PXDNL: variants seen among roughly 807,000 people sequenced by gnomAD.
PXDNL encodes the protein peroxidasin like, also known as probable oxidoreductase PXDNL.
A neutral mutation model predicts 150.8 loss-of-function variants in PXDNL; 145 were observed. That is an observed-to-expected ratio of 0.96 (90% confidence interval 0.84 to 1.10). The LOEUF (loss-of-function observed/expected upper bound fraction) is 1.10. PXDNL is among the 50% of genes least tolerant of loss of function. The pLI, the probability that PXDNL is intolerant of heterozygous loss-of-function variation, is 0.00. For missense variants in PXDNL, 2,087 were observed against 1,873.9 expected, an observed-to-expected ratio of 1.11 and a Z score of -2.10; for synonymous variants, 757 against 725.7, an observed-to-expected ratio of 1.04 and a Z score of -0.69.
chr8:51,792,379 C>A (rs2037521223), intron 1 of PXDNL, among the ~76,000 whole-genome samples: 1 of 152,192 alleles, frequency 6.6e-6, no homozygotes, highest in Middle Eastern at 3.2e-3. Flanking sequence ...GATAGTGCTA[C>A]CCTGTCTGGG....
chr8:51,729,146 T>C (rs1816872520), intron 1 of PXDNL, among the ~76,000 whole-genome samples: 1 of 152,194 alleles, frequency 6.6e-6, no homozygotes, highest in African/African-American at 2.4e-5. Context: ...CCTACCCCCA[T>C]TGTTAAGTAA....
intron 19 of PXDNL, among the ~76,000 whole-genome samples, chr8:51,349,689 A>C (rs1346389674): frequency 6.6e-6 from 1 of 152,186 alleles, no homozygotes; most frequent in Non-Finnish European, 1.5e-5. Flanking sequence ...ATTGGAGTGG[A>C]TTGACAGTCC....
Position 51,449,058 on chromosome 8 carries a change from T to C in PXDNL, c.1310A>G (p.Glu437Gly). The C allele has an allele frequency of 6.4e-7, 1 of 1,553,400 alleles. No individual in the cohort carries two copies. Among genetic ancestry groups the C allele is most frequent in the Non-Finnish European group, 8.7e-7 (1 of 1,147,858 alleles). The change falls in exon 11 of 23, where the codon GAG (glutamate) becomes GGG (glycine). Residue 437 changes from glutamate (E) to glycine (G), a missense_variant. Physicochemically the swap from Glu to Gly is moderately conservative, Grantham distance 98. Transcript: ENST00000356297. Reference protein sequence around the residue: ...DQVVLEEHAVEWLCEADGNPP... With the variant: ...DQVVLEEHAVGWLCEADGNPP... ...GTTGCCGTCAGCTTCACAGAGCCAC[T>C]CTACAGCATGTTCTTCCAGCACCAC...
chr8:51,582,214 A>G (rs114089510), intron 3 of PXDNL, among the ~76,000 whole-genome samples: 2,714 of 152,168 alleles, frequency 0.018, 86 homozygotes, highest in African/African-American at 0.061. Flanking sequence ...GGATTATTAC[A>G]AAGCACATGT....
At chr8:51,673,461 A>G (rs1326572071) in intron 1 of PXDNL, among the ~76,000 whole-genome samples, 1 of 152,190 alleles carries the variant, frequency 6.6e-6, no homozygotes, top group Non-Finnish European at 1.5e-5. Flanking sequence ...AATAAAAAAT[A>G]TACTTATAGG....
At chr8:51,601,928 T>C (rs1236427593) in intron 2 of PXDNL, among the ~76,000 whole-genome samples, 2 of 152,046 alleles carry the variant, frequency 1.3e-5, no homozygotes, top group Non-Finnish European at 1.5e-5. Context: ...TGGTGACAAG[T>C]TCCCTTAGCA....
Position 51,556,824 on chromosome 8 carries a change from A to T in PXDNL, c.380+16T>A. 2 of 1,399,946 alleles carry T rather than the reference A, an allele frequency of 1.4e-6. No individual in the cohort carries two copies. Among genetic ancestry groups the T allele is most frequent in the South Asian group, 1.2e-5 (1 of 86,152 alleles). 86.7% of individuals were successfully genotyped at this position (1,399,946 alleles called of 1,614,324 possible). A position where few individuals can be genotyped will look rare whatever the true frequency, so the allele number is the denominator to read the frequency against. On this transcript the variant is annotated intron_variant, in intron 4 of 22. Coordinates refer to ENST00000356297, the MANE Select transcript of PXDNL (RefSeq NM_144651.5). ...GTCACCATGAGTGATTTAATAAAAAAGTTTCTATTACTTACAGATGTTCCA... is the reference window on the plus strand; with the variant it reads ...GTCACCATGAGTGATTTAATAAAAATGTTTCTATTACTTACAGATGTTCCA...
intron 4 of PXDNL, among the ~76,000 whole-genome samples, chr8:51,526,908 G>A (rs73583068): frequency 2.4e-3 from 363 of 152,070 alleles, no homozygotes; most frequent in African/African-American, 8.1e-3. Context: ...TGCTTCCTCC[G>A]GCCAGCCCCC....
rs536244658 is a variant in PXDNL at position 51,611,909 on chromosome 8, C to T, written c.237-19211G>A. ...CAGCCGGGATGCCGAAGGGAAGGCC[C>T]GGGGCACCAGCGATGGGCAGCTCAG... is the stretch of plus-strand genomic sequence containing the variant. On this transcript the variant is annotated intron_variant, in intron 2 of 22. Transcript: ENST00000356297. Among the ~76,000 whole-genome samples the T allele has an allele frequency of 1.4e-3, 218 of 152,308 alleles. 2 individuals are homozygous for T. The highest frequency in any genetic ancestry group is 2.6e-3 in the Non-Finnish European group (175 of 68,028).
Position 51,408,914 on chromosome 8 carries a change from C to T in PXDNL, c.2710G>A (p.Glu904Lys). 1 of 1,610,316 alleles carries T rather than the reference C, an allele frequency of 6.2e-7. No homozygotes were observed. ...TCTCTGAGAGCCTGGGATTCCCGCT[C>T]CGAGCTCCCGTAAACGTTGGAGCCA... ...IDGSNVYGSS[E>K]RESQALRDPS... Residue 904 changes from glutamate to lysine, a missense_variant, in exon 17 of 23, where the codon GAG becomes AAG. Physicochemically the swap from Glu to Lys is moderately conservative, Grantham distance 56. Transcript: ENST00000356297.
chr8:51,735,535 T>TGG (rs374582450), intron 1 of PXDNL, among the ~76,000 whole-genome samples: 19 of 120,122 alleles, frequency 1.6e-4, no homozygotes, highest in Non-Finnish European at 2.6e-4. Context: ...TGTTTTTTTT[T>TGG]TTTTTTTTTT....
intron 3 of PXDNL, among the ~76,000 whole-genome samples, chr8:51,577,231 G>A (rs1413142130): frequency 6.6e-6 from 1 of 151,414 alleles, no homozygotes; most frequent in Non-Finnish European, 1.5e-5. Flanking sequence ...CATGAATATG[G>A]ATACACAAAT....
intron 8 of PXDNL, among the ~76,000 whole-genome samples, chr8:51,468,054 T>C (rs532512512): frequency 9.9e-5 from 15 of 152,064 alleles, no homozygotes; most frequent in Non-Finnish European, 2.1e-4. Flanking sequence ...AATTGATTCT[T>C]GGCTATGAGT....
At chr8:51,776,391 T>C (rs1436501722) in intron 1 of PXDNL, among the ~76,000 whole-genome samples, 1 of 152,182 alleles carries the variant, frequency 6.6e-6, no homozygotes, top group Non-Finnish European at 1.5e-5. Flanking sequence ...CCTGCCGACA[T>C]GTGATGTCTG....
At chr8:51,598,973 T>G (rs533414881) in intron 2 of PXDNL, among the ~76,000 whole-genome samples, 2 of 152,284 alleles carry the variant, frequency 1.3e-5, no homozygotes, top group South Asian at 4.1e-4. Flanking sequence ...GGGAGATGTG[T>G]GCTTACAGGA....
intron 4 of PXDNL, among the ~76,000 whole-genome samples, chr8:51,541,270 A>AAG (rs1812212099): frequency 6.6e-6 from 1 of 151,386 alleles, no homozygotes; most frequent in East Asian, 1.9e-4. Context: ...AAAAAAAAAA[A>AAG]GAATATTGGA....
intron 12 of PXDNL, among the ~76,000 whole-genome samples, chr8:51,445,753 A>G (rs1314208878): frequency 6.6e-6 from 1 of 152,196 alleles, no homozygotes; most frequent in Non-Finnish European, 1.5e-5. Flanking sequence ...AAAAGATATA[A>G]TGTAAATACC....
At chr8:51,801,336 A>G (rs2037618122) in intron 1 of PXDNL, among the ~76,000 whole-genome samples, 2 of 152,144 alleles carry the variant, frequency 1.3e-5, no homozygotes, top group South Asian at 4.1e-4. Flanking sequence ...TAAGATGTTT[A>G]TCAAGACAGT....
chr8:51,486,763 T>C (rs899526503), intron 5 of PXDNL, among the ~76,000 whole-genome samples: 6 of 14,516 alleles, frequency 4.1e-4, no homozygotes, highest in African/African-American at 1.8e-3. Flanking sequence ...TATATATATA[T>C]ATATATATAT....
Sources: allele counts gnomAD v4.1 joint callset (sites outside exome capture counted in the v4.1 genomes callset), GRCh38; gene constraint gnomAD v4.1.1; transcripts MANE v1.5; gene names NCBI Gene and HGNC (gene_info 2026-07-23, HGNC 2026-07-21).